LSAMP: variants seen among roughly 807,000 people sequenced by gnomAD.
LSAMP encodes the protein limbic system-associated membrane protein.
Under a neutral mutation model 38.6 loss-of-function variants are expected in LSAMP, and 7 were observed. The ratio of observed to expected loss-of-function variants is 0.18; its 90% CI spans 0.10 to 0.34. The LOEUF (loss-of-function observed/expected upper bound fraction) is 0.34, where lower values mean the gene tolerates loss of function less well. Among genes scored for constraint, LSAMP ranks in the 10% least tolerant of loss-of-function variants. LSAMP has a pLI of 1.00. For missense variants in LSAMP, 313 were observed against 420.0 expected, an observed-to-expected ratio of 0.75 and a Z score of 2.23; for synonymous variants, 154 against 166.8, an observed-to-expected ratio of 0.92 and a Z score of 0.59.
chr3:116,409,586 C>T lies in LSAMP; in HGVS notation c.155+35291G>A, dbSNP rs182482735. On this transcript the variant is annotated intron_variant, in intron 1 of 6. Transcript: ENST00000490035. Reference sequence around the variant, plus strand: ...CTGGAAGGGTGAGCCATAGATCCATCGTAATGCTGATGACATTGGCTAGCT... The same window carrying T: ...CTGGAAGGGTGAGCCATAGATCCATTGTAATGCTGATGACATTGGCTAGCT... Among the ~76,000 whole-genome samples the T allele has an allele frequency of 5.3e-5, 8 of 152,118 alleles. No individual in the cohort carries two copies. In the East Asian group the frequency reaches 1.2e-3, roughly 22 times the overall value.
intron 3 of LSAMP, among the ~76,000 whole-genome samples, chr3:115,869,269 G>GGAGAGAGAGA (rs35112915): frequency 0.021 from 2,716 of 128,390 alleles, 91 homozygotes; most frequent in African/African-American, 0.071. Flanking sequence ...TCTTGGAGGG[G>GGAGAGAGAGA]GAGAGAGAGA....
At chr3:116,333,844 A>T (rs1482582659) in intron 1 of LSAMP, among the ~76,000 whole-genome samples, 1 of 151,918 alleles carries the variant, frequency 6.6e-6, no homozygotes, top group Non-Finnish European at 1.5e-5. Context: ...TTGAAATTAA[A>T]AAAAGACAAA....
chr3:116,289,320 T>C (rs930099177), intron 1 of LSAMP, among the ~76,000 whole-genome samples: 6 of 152,226 alleles, frequency 3.9e-5, no homozygotes, highest in Non-Finnish European at 7.3e-5. Context: ...TACCATAACA[T>C]ATGAAAGGCT....
intron 1 of LSAMP, among the ~76,000 whole-genome samples, chr3:116,216,766 G>T (rs2046225247): frequency 6.6e-6 from 1 of 152,166 alleles, no homozygotes; most frequent in African/African-American, 2.4e-5. Flanking sequence ...GTATTAAAAA[G>T]GGGTGGAAAT....
intron 1 of LSAMP, among the ~76,000 whole-genome samples, chr3:116,390,681 A>ATGACAT (rs369057931): frequency 1.4e-5 from 2 of 147,240 alleles, no homozygotes; most frequent in Non-Finnish European, 3.0e-5. Context: ...GTGAGCCCAC[A>ATGACAT]TGACATTGAC....
chr3:115,866,834 T>A (rs1935874567), intron 3 of LSAMP, among the ~76,000 whole-genome samples: 2 of 152,088 alleles, frequency 1.3e-5, no homozygotes, highest in Admixed American at 6.6e-5. Context: ...TATTTTCCCA[T>A]TAAGACTCCT....
At chr3:116,335,585 T>C (rs138020658) in intron 1 of LSAMP, among the ~76,000 whole-genome samples, 8 of 152,166 alleles carry the variant, frequency 5.3e-5, no homozygotes, top group Admixed American at 5.2e-4. Context: ...CTTTAACTTA[T>C]GGTGGGCACC....
chr3:115,959,441 A>C (rs944365902), intron 3 of LSAMP, among the ~76,000 whole-genome samples: 6 of 152,218 alleles, frequency 3.9e-5, no homozygotes, highest in Admixed American at 2.0e-4. Flanking sequence ...TGTGCTGTAT[A>C]AGAGTTTAAT....
intron 1 of LSAMP, among the ~76,000 whole-genome samples, chr3:116,112,829 T>C (rs1708647318): frequency 6.6e-6 from 1 of 152,248 alleles, no homozygotes; most frequent in African/African-American, 2.4e-5. Flanking sequence ...AATACTGTTA[T>C]CTGCCATGAA....
chr3:116,203,849 C>T (rs956134449), intron 1 of LSAMP, among the ~76,000 whole-genome samples: 6 of 151,978 alleles, frequency 3.9e-5, no homozygotes, highest in Non-Finnish European at 8.8e-5. Context: ...TGAATAATGC[C>T]GCAATAAACA....
intron 1 of LSAMP, among the ~76,000 whole-genome samples, chr3:116,327,187 A>G (rs374607281): frequency 1.3e-5 from 2 of 152,190 alleles, no homozygotes; most frequent in Admixed American, 6.5e-5. Context: ...GCAGTGGCCA[A>G]TGCCAAGGGC....
In LSAMP at chr3:115,805,719, G is replaced by A. The variant is rs1242456617; in HGVS notation, c.*4598C>T. Reference sequence around the variant, plus strand: ...AATTCTTTCCTAAATTTTGGTTGGCGACATTTGAACAGCATAGCTACATGC... The same window carrying A: ...AATTCTTTCCTAAATTTTGGTTGGCAACATTTGAACAGCATAGCTACATGC... On this transcript the variant is annotated 3_prime_UTR_variant, in exon 7 of 7. Coordinates refer to ENST00000490035, the MANE Select transcript of LSAMP (RefSeq NM_002338.5). 5 of 152,168 alleles carry A rather than the reference G, an allele frequency of 3.3e-5. No individual in the cohort carries two copies. Among genetic ancestry groups the A allele is most frequent in the African/African-American group, 1.2e-4 (5 of 41,458 alleles). 9.4% of individuals were successfully genotyped at this position (152,168 alleles called of 1,614,324 possible). A position where few individuals can be genotyped will look rare whatever the true frequency, so the allele number is the denominator to read the frequency against.
intron 1 of LSAMP, among the ~76,000 whole-genome samples, chr3:116,406,593 C>G (rs1426210354): frequency 6.6e-6 from 1 of 151,944 alleles, no homozygotes; most frequent in Non-Finnish European, 1.5e-5. Flanking sequence ...TTCTTTGCAT[C>G]TTCTTCTCAT....
chr3:116,095,490 A>G (rs1388377667), intron 1 of LSAMP, among the ~76,000 whole-genome samples: 2 of 152,224 alleles, frequency 1.3e-5, no homozygotes, highest in Non-Finnish European at 1.5e-5. Flanking sequence ...GTGGATGGAA[A>G]AGAAACAGGA....
intron 1 of LSAMP, among the ~76,000 whole-genome samples, chr3:116,305,101 G>A (rs560597957): frequency 1.3e-5 from 2 of 152,158 alleles, no homozygotes; most frequent in African/African-American, 4.8e-5. Context: ...CTTCTTGTTT[G>A]AGTGCATAGC....
intron 1 of LSAMP, among the ~76,000 whole-genome samples, chr3:116,310,855 T>C (rs559243695): frequency 2.0e-5 from 3 of 151,780 alleles, no homozygotes; most frequent in Admixed American, 6.6e-5. Flanking sequence ...AAACAAAATA[T>C]TGATAGTTAT....
chr3:115,900,406 C>T (rs576549842), intron 3 of LSAMP, among the ~76,000 whole-genome samples: 1 of 149,484 alleles, frequency 6.7e-6, no homozygotes, highest in Admixed American at 6.8e-5. Context: ...TCCCTAGCTA[C>T]TTGGGGGGCT....
rs988839831 is a variant in LSAMP at position 115,953,406 on chromosome 3, C to T, written c.514+66109G>A. On this transcript the variant is annotated intron_variant, in intron 3 of 6. Transcript: ENST00000490035. ...GATGAAACAAAATGTAGTGTGCGTA[C>T]ACACACACACACACACACACACACA... is the stretch of plus-strand genomic sequence containing the variant. Among the ~76,000 whole-genome samples, 16 of 20,382 alleles carry T rather than the reference C, an allele frequency of 7.9e-4. 1 individual carries two copies. The highest frequency in any genetic ancestry group is 6.9e-3 in the South Asian group (2 of 288). The allele number at this position is 20,382 out of a possible 152,430, so 13.4% of individuals were successfully genotyped here. A position where few individuals can be genotyped will look rare whatever the true frequency, so the allele number is the denominator to read the frequency against.
chr3:116,422,695 T>C (rs1037470447), intron 1 of LSAMP, among the ~76,000 whole-genome samples: 2 of 152,194 alleles, frequency 1.3e-5, no homozygotes, highest in East Asian at 3.8e-4. Context: ...ACATTACTGA[T>C]AATGAATTGA....
Sources: gnomAD v4.1 joint callset for allele counts (sites outside exome capture counted in the v4.1 genomes callset) on GRCh38, gnomAD v4.1.1 for gene constraint, MANE v1.5 for transcripts, NCBI Gene and HGNC (gene_info 2026-07-23, HGNC 2026-07-21) for gene names.